Variants in COMMD2 observed in about 807,000 individuals in gnomAD.
COMMD2 encodes COMM domain-containing protein 2.
A neutral mutation model predicts 22.5 loss-of-function variants in COMMD2; 25 were observed. That is an observed-to-expected ratio of 1.11 (90% CI 0.81 to 1.55). The LOEUF (loss-of-function observed/expected upper bound fraction) is 1.55, where lower values mean the gene tolerates loss of function less well. Ranked by LOEUF, COMMD2 falls within the 40% of genes most tolerant of loss-of-function variation. The pLI is 0.00. For missense variants in COMMD2, 223 were observed against 232.9 expected (o/e 0.96, Z 0.28); for synonymous variants, 98 against 91.2 (o/e 1.07, Z -0.42).
chr3:149,751,234 T>A, intron 3 of COMMD2, 169 bp downstream of exon 3: 1 of 993,400 alleles, frequency 1.0e-6, no homozygotes, highest in African/African-American at 1.7e-5. Context: ...GGTATTCATA[T>A]CAGCAGATGA....
At chr3:149,750,926 TATG>T in intron 3 of COMMD2, 75 bp from the exon 4 acceptor site, 1 of 933,610 alleles carries the variant, frequency 1.1e-6, no homozygotes, top group Non-Finnish European at 1.6e-6. Flanking sequence ...CACAAAAGAA[TATG>T]ATATCCTCTA....
intron 4 of COMMD2, among the ~76,000 whole-genome samples, chr3:149,744,111 T>C (rs1403815049): frequency 6.6e-6 from 1 of 152,154 alleles, no homozygotes; most frequent in Non-Finnish European, 1.5e-5. Flanking sequence ...TATTTTTTAT[T>C]GGGGATGAGA....
rs755138058 is a variant in COMMD2 at position 149,752,300 on chromosome 3, T to C, written c.68-13A>G. On this transcript the variant is annotated splice_polypyrimidine_tract_variant and intron_variant, in intron 1 of 4. Coordinates refer to ENST00000473414, the MANE Select transcript of COMMD2 (RefSeq NM_016094.4). ...AACTCGGCGACCACTGCAATGAAAG[T>C]CAGAAGGCTGTTGAGTGCCAGGCGC... The C allele has an allele frequency of 1.2e-6, 2 of 1,613,854 alleles. No individual in the cohort carries two copies. The highest frequency in any genetic ancestry group is 2.7e-5 in the African/African-American group (2 of 74,876).
In COMMD2 at chr3:149,750,712, C is replaced by T; in HGVS notation, c.368G>A (p.Ser123Asn). ...TAGTCGCCATTCAAGGTTATGATAA[C>T]TGGGAAGGCTTGGTGCCAATTCACT... is the stretch of plus-strand genomic sequence containing the variant. ...ILSELAPSLP[S>N]YHNLEWRLDV... Residue 123 changes from serine (S) to asparagine (N), a missense_variant, in exon 4 of 5, where the codon AGT becomes AAT. Physicochemically the swap from Ser to Asn is conservative, Grantham distance 46. Coordinates refer to ENST00000473414, the MANE Select transcript of COMMD2 (RefSeq NM_016094.4). 6.3e-7 allele frequency: 1 copy of T among 1,592,480 alleles called. No individual in the cohort carries two copies. The highest frequency in any genetic ancestry group is 8.6e-7 in the Non-Finnish European group (1 of 1,168,706).
Position 149,741,283 on chromosome 3 carries a change from G to T in COMMD2, c.*238C>A, listed in dbSNP as rs1227871423. ...GGGTTTCACCATGTTAGCCAGGAAG[G>T]TCTCAATCTCCTGACCTCATGATTT... On this transcript the variant is annotated 3_prime_UTR_variant, in exon 5 of 5. Transcript: ENST00000473414. The T allele has an allele frequency of 2.4e-6, 1 of 423,980 alleles. No homozygotes were observed. Among genetic ancestry groups the T allele is most frequent in the Non-Finnish European group, 4.3e-6 (1 of 231,126 alleles). The allele number at this position is 423,980 out of a possible 1,614,324, so 26.3% of individuals were successfully genotyped here.
Position 149,740,741 on chromosome 3 carries a change from T to C in COMMD2, c.*780A>G, listed in dbSNP as rs1716188682. The C allele has an allele frequency of 6.6e-6, 1 of 152,204 alleles. No individual in the cohort carries two copies. Among genetic ancestry groups the C allele is most frequent in the South Asian group, 2.1e-4 (1 of 4,828 alleles). The allele number at this position is 152,204 out of a possible 1,614,324, so 9.4% of individuals were successfully genotyped here. A position where few individuals can be genotyped will look rare whatever the true frequency, so the allele number is the denominator to read the frequency against. ...ACTGAACTGTTTAGAAAATTCTGCATAGTAGTAGTATTACATTGTGAATTT... is the reference window on the plus strand; with the variant it reads ...ACTGAACTGTTTAGAAAATTCTGCACAGTAGTAGTATTACATTGTGAATTT... On this transcript the variant is annotated 3_prime_UTR_variant, in exon 5 of 5. Transcript: ENST00000473414.
Position 149,752,462 on chromosome 3 carries a change from T to C in COMMD2, c.-18A>G, listed in dbSNP as rs1414855372. On this transcript the variant is annotated 5_prime_UTR_variant, in exon 1 of 5. Coordinates refer to ENST00000473414, the MANE Select transcript of COMMD2 (RefSeq NM_016094.4). ...AGCAGCATCTTCACTGTCCTACGAT[T>C]TCACCCGGCAGCGCCGACCCCGCCT... 6.2e-7 allele frequency: 1 copy of C among 1,608,688 alleles called. No individual in the cohort carries two copies. The highest frequency in any genetic ancestry group is 1.7e-5 in the Admixed American group (1 of 59,156).
chr3:149,744,870 A>T (rs1716324893), intron 4 of COMMD2, among the ~76,000 whole-genome samples: 1 of 152,198 alleles, frequency 6.6e-6, no homozygotes, highest in Non-Finnish European at 1.5e-5. Context: ...CTTAAACTGT[A>T]CTAGTCCTAG....
chr3:149,751,028 C>A (rs1716513547), intron 3 of COMMD2, among the ~76,000 whole-genome samples, 177 bp from the exon 4 acceptor site: 1 of 152,160 alleles, frequency 6.6e-6, no homozygotes, highest in Non-Finnish European at 1.5e-5. Context: ...AAGTACTTTA[C>A]TAAAGTATAA....
Position 149,738,854 on chromosome 3 carries a change from T to TAGCA in COMMD2, c.*2663_*2666dup, listed in dbSNP as rs1716129609. 6.6e-6 allele frequency: 1 copy of TAGCA among 152,196 alleles called. No individual in the cohort carries two copies. The highest frequency in any genetic ancestry group is 2.1e-4 in the South Asian group (1 of 4,834). The allele number at this position is 152,196 out of a possible 1,614,324, so 9.4% of individuals were successfully genotyped here. ...ATTCTCAAGATACAGCATCTTCTTA[T>TAGCA]AGCATCTTCACCACCTTTCCCGTTT... On this transcript the variant is annotated 3_prime_UTR_variant, in exon 5 of 5. Transcript: ENST00000473414.
intron 4 of COMMD2, among the ~76,000 whole-genome samples, chr3:149,746,567 C>T (rs1162494336): frequency 1.3e-5 from 2 of 150,078 alleles, no homozygotes; most frequent in East Asian, 2.0e-4. Flanking sequence ...ATCAGGAGAT[C>T]GAGACCATTC....
Position 149,752,377 on chromosome 3 carries a change from C to G in COMMD2, c.67+1G>C. 1 of 1,614,166 alleles carries G rather than the reference C, an allele frequency of 6.2e-7. No individual in the cohort carries two copies. Among genetic ancestry groups the G allele is most frequent in the East Asian group, 2.2e-5 (1 of 44,882 alleles). On this transcript the variant is annotated splice_donor_variant, in intron 1 of 4. Transcript: ENST00000473414. LOFTEE classifies it high-confidence loss of function. ...AGAACACCGCCCCCACGCCCGCTGA[C>G]CCGCGCTGTCCACTTGAGGCAGGAA...
rs1716223196 is a variant in COMMD2 at position 149,741,501 on chromosome 3, T to C, written c.*20A>G. On this transcript the variant is annotated 3_prime_UTR_variant, in exon 5 of 5. Transcript: ENST00000473414. ...TCAATTCATAAGTGATTCAAATGAA[T>C]TAAAACCTTAAAACTGGTACTACTT... is the stretch of plus-strand genomic sequence containing the variant. 6.3e-7 allele frequency: 1 copy of C among 1,592,860 alleles called. No homozygotes were observed. The highest frequency in any genetic ancestry group is 1.3e-5 in the African/African-American group (1 of 74,484).
chr3:149,750,618 G>T, intron 4 of COMMD2, 60 bp downstream of exon 4: 2 of 1,241,136 alleles, frequency 1.6e-6, no homozygotes, highest in Non-Finnish European at 2.2e-6. Context: ...ACAATAAACA[G>T]GACACAAACC....
intron 2 of COMMD2, 85 bp downstream of exon 2, chr3:149,752,125 C>A (rs1716548107): frequency 8.9e-7 from 1 of 1,129,770 alleles, no homozygotes; most frequent in South Asian, 1.4e-5. Flanking sequence ...CTAGGACTCG[C>A]AATAATCCGT....
At chr3:149,744,268 C>CA (rs1202529438) in intron 4 of COMMD2, among the ~76,000 whole-genome samples, 1 of 152,032 alleles carries the variant, frequency 6.6e-6, no homozygotes, top group African/African-American at 2.4e-5. Flanking sequence ...GGTATTCTGG[C>CA]AAAAAACATC....
In COMMD2 at chr3:149,748,287, G is replaced by A. The variant is rs117572788; in HGVS notation, c.402+2391C>T. ...AAAGATGTGGTTGACAGGTACATGT[G>A]GGAGTTCTTTCCGATTGCTTCTCTT... On this transcript the variant is annotated intron_variant, in intron 4 of 4. Transcript: ENST00000473414. Among the ~76,000 whole-genome samples, 18 of 152,252 alleles carry A rather than the reference G, an allele frequency of 1.2e-4. No homozygotes were observed. The East Asian group carries it at 3.5e-3, about 29-fold the overall frequency.
At position 149,749,100 on chromosome 3, in the gene COMMD2, G is replaced by A. The variant is rs576541697; in HGVS notation, c.402+1578C>T. ...CACAATCTCGGCTCACTGCAACCTC[G>A]ACCTCCCGGGTTCAAGCGATTCTCC... On this transcript the variant is annotated intron_variant, in intron 4 of 4. Transcript: ENST00000473414. Among the ~76,000 whole-genome samples, 29 of 150,830 alleles carry A rather than the reference G, an allele frequency of 1.9e-4. No homozygotes were observed. In the East Asian group the frequency reaches 4.5e-3, roughly 23 times the overall value.
At chr3:149,743,647 C>G (rs2108249168) in intron 4 of COMMD2, among the ~76,000 whole-genome samples, 1 of 152,306 alleles carries the variant, frequency 6.6e-6, no homozygotes, top group East Asian at 1.9e-4. Flanking sequence ...TTTGGGTGAG[C>G]TGGTCCCCAA....
Sources: allele counts gnomAD v4.1 joint callset (sites outside exome capture counted in the v4.1 genomes callset), GRCh38; gene constraint gnomAD v4.1.1; transcripts MANE v1.5; gene names NCBI Gene and HGNC (gene_info 2026-07-23, HGNC 2026-07-21).